MED31: variants seen among roughly 807,000 people sequenced by gnomAD.
The protein encoded by MED31 is mediator complex subunit 31, also known as mediator of RNA polymerase II transcription subunit 31.
A neutral mutation model predicts 22.0 loss-of-function variants in MED31; 11 were observed. The observed-to-expected ratio is 0.50, with a 90% CI of 0.31 to 0.83. The LOEUF (loss-of-function observed/expected upper bound fraction) is 0.83, where lower values mean the gene tolerates loss of function less well. MED31 is among the 40% of genes least tolerant of loss of function. MED31 has a pLI of 0.04. For missense variants in MED31, 122 were observed against 155.3 expected, an observed-to-expected ratio of 0.79 and a Z score of 1.14; for synonymous variants, 60 against 55.1, an observed-to-expected ratio of 1.09 and a Z score of -0.40.
intron 2 of MED31, 117 bp downstream of exon 2, chr17:6,650,239 A>AT: frequency 3.2e-6 from 4 of 1,259,516 alleles, no homozygotes; most frequent in Non-Finnish European, 2.3e-6. Flanking sequence ...ATATACCAGC[A>AT]TAAGTGTAAT....
At position 6,647,247 on chromosome 17, in the gene MED31, G is replaced by A. The variant is rs538463919; in HGVS notation, c.204-2588C>T. 1.9e-4 allele frequency among the ~76,000 whole-genome samples: 29 copies of A among 152,270 alleles called. No homozygotes were observed. In the East Asian group the frequency reaches 5.2e-3, roughly 27 times the overall value. On this transcript the variant is annotated intron_variant, in intron 3 of 3. Transcript: ENST00000225728. ...CGGGTCCTCGCATGCTGAGTGTGCC[G>A]GTCCCCTGGGCCCACTGTTCTTTCT... is the stretch of plus-strand genomic sequence containing the variant.
intron 3 of MED31, among the ~76,000 whole-genome samples, chr17:6,645,916 G>A (rs1417403163): frequency 6.6e-6 from 1 of 152,092 alleles, no homozygotes; most frequent in East Asian, 1.9e-4. Context: ...AAATACACAA[G>A]GAAAAATAGC....
rs766158520 is a variant in MED31, at chr17:6,651,536, G to A, written c.-8C>T. 1.9e-5 allele frequency: 31 copies of A among 1,613,898 alleles called. No individual in the cohort carries two copies. The Admixed American group carries it at 4.3e-4, about 23-fold the overall frequency. Reference sequence around the variant, plus strand: ...AGCGACAGCAGCGGCCATAACAAACGAAGACACCAAAACGCCACCAGCCTG... The same window carrying A: ...AGCGACAGCAGCGGCCATAACAAACAAAGACACCAAAACGCCACCAGCCTG... On this transcript the variant is annotated 5_prime_UTR_variant, in exon 1 of 4. Coordinates refer to ENST00000225728, the MANE Select transcript of MED31 (RefSeq NM_016060.3).
intron 3 of MED31, among the ~76,000 whole-genome samples, chr17:6,645,594 C>T: frequency 6.6e-6 from 1 of 152,108 alleles, no homozygotes; most frequent in Admixed American, 6.5e-5. Flanking sequence ...ACTTGAAGGG[C>T]CTCCCAATGG....
chr17:6,651,597 G>T lies in MED31; in HGVS notation c.-69C>A. 1.2e-6 allele frequency: 2 copies of T among 1,606,648 alleles called. No homozygotes were observed. Among genetic ancestry groups the T allele is most frequent in the East Asian group, 2.2e-5 (1 of 44,756 alleles). ...AGCCCAGAGACGCGGGCGAAGTTCCGGAAACCACGGCTCCCTCTTCCGGTC... is the reference window on the plus strand; with the variant it reads ...AGCCCAGAGACGCGGGCGAAGTTCCTGAAACCACGGCTCCCTCTTCCGGTC... On this transcript the variant is annotated 5_prime_UTR_variant, in exon 1 of 4. Transcript: ENST00000225728.
At chr17:6,649,206 G>T (rs1189428722) in intron 3 of MED31, among the ~76,000 whole-genome samples, 7 of 16,254 alleles carry the variant, frequency 4.3e-4, no homozygotes, top group African/African-American at 2.8e-3. Context: ...AGGTGGGTTG[G>T]TTTTTTTTGT....
At chr17:6,646,308 T>G in intron 3 of MED31, among the ~76,000 whole-genome samples, 1 of 152,326 alleles carries the variant, frequency 6.6e-6, no homozygotes, top group Non-Finnish European at 1.5e-5. Flanking sequence ...TCCAGCTATT[T>G]TGTAAGTGAA....
chr17:6,644,274 G>T lies in MED31; in HGVS notation c.*193C>A. On this transcript the variant is annotated 3_prime_UTR_variant, in exon 4 of 4. Transcript: ENST00000225728. The stretch of plus-strand genomic sequence containing the variant: ...GAAAAACACCTTACAAATCCACAGG[G>T]AAATCAAAGAACAATTCAGGTTTAA... The T allele has an allele frequency of 1.7e-6, 1 of 592,642 alleles. No individual in the cohort carries two copies. The highest frequency in any genetic ancestry group is 1.9e-5 in the African/African-American group (1 of 52,324). 36.7% of individuals were successfully genotyped at this position (592,642 alleles called of 1,614,324 possible). A position where few individuals can be genotyped will look rare whatever the true frequency, so the allele number is the denominator to read the frequency against.
chr17:6,648,369 T>C (rs1047544655), intron 3 of MED31, among the ~76,000 whole-genome samples: 6 of 152,234 alleles, frequency 3.9e-5, no homozygotes, highest in Non-Finnish European at 5.9e-5. Flanking sequence ...AGAGATGTTA[T>C]AGTGGCACCT....
At chr17:6,647,153 C>T (rs1278539794) in intron 3 of MED31, among the ~76,000 whole-genome samples, 1 of 152,212 alleles carries the variant, frequency 6.6e-6, no homozygotes, top group Admixed American at 6.5e-5. Context: ...CCCTGCTACA[C>T]TCGCCTCGCC....
chr17:6,649,565 G>A (rs1972805918), intron 3 of MED31, among the ~76,000 whole-genome samples: 1 of 152,224 alleles, frequency 6.6e-6, no homozygotes. Context: ...GAGATGGGAA[G>A]GGTGGTAAAA....
At chr17:6,650,208 T>A in intron 2 of MED31, 130 bp from the exon 3 acceptor site, 1 of 1,226,756 alleles carries the variant, frequency 8.2e-7, no homozygotes, top group Non-Finnish European at 1.2e-6. Flanking sequence ...AAAACACAAG[T>A]CCCAGTACGC....
chr17:6,647,536 C>T (rs1263985356), intron 3 of MED31, among the ~76,000 whole-genome samples: 1 of 152,222 alleles, frequency 6.6e-6, no homozygotes, highest in Non-Finnish European at 1.5e-5. Context: ...TTCTAAAAAG[C>T]TCCCAAATGA....
intron 1 of MED31, among the ~76,000 whole-genome samples, chr17:6,650,943 C>T (rs377378929): frequency 2.6e-4 from 40 of 151,722 alleles, no homozygotes; most frequent in Middle Eastern, 6.8e-3. Context: ...CACAGTGAAA[C>T]CCCGTCTCTA....
intron 1 of MED31, 26 bp downstream of exon 1, chr17:6,651,475 G>A (rs756592314): frequency 1.9e-6 from 3 of 1,614,080 alleles, no homozygotes; most frequent in South Asian, 2.2e-5. Context: ...CATCTGCGAA[G>A]ACTCCAAGAT....
rs1450381135 is a variant in MED31 at position 6,644,306 on chromosome 17, T to C, written c.*161A>G. 1.5e-5 allele frequency: 11 copies of C among 722,660 alleles called. No individual in the cohort carries two copies. Among genetic ancestry groups the C allele is most frequent in the Non-Finnish European group, 2.2e-5 (11 of 490,492 alleles). 44.8% of individuals were successfully genotyped at this position (722,660 alleles called of 1,614,324 possible). A position where few individuals can be genotyped will look rare whatever the true frequency, so the allele number is the denominator to read the frequency against. On this transcript the variant is annotated 3_prime_UTR_variant, in exon 4 of 4. Transcript: ENST00000225728. Reference sequence around the variant, plus strand: ...AAGAACAATTCAGGTTTAACAGAAATAGTCTATTAACAATAAAAAGTTGGA... The same window carrying C: ...AAGAACAATTCAGGTTTAACAGAAACAGTCTATTAACAATAAAAAGTTGGA...
chr17:6,644,338 A>G lies in MED31; in HGVS notation c.*129T>C. On this transcript the variant is annotated 3_prime_UTR_variant, in exon 4 of 4. Transcript: ENST00000225728. ...TTAACAATAAAAAGTTGGATGAAAA[A>G]GCACACTAAAGGTTCTAGGGGCTAC... 1 of 1,055,598 alleles carries G rather than the reference A, an allele frequency of 9.5e-7. No individual in the cohort carries two copies. Among genetic ancestry groups the G allele is most frequent in the Non-Finnish European group, 1.3e-6 (1 of 784,902 alleles). The allele number at this position is 1,055,598 out of a possible 1,614,324, so 65.4% of individuals were successfully genotyped here. A position where few individuals can be genotyped will look rare whatever the true frequency, so the allele number is the denominator to read the frequency against.
At chr17:6,649,862 A>T in intron 3 of MED31, 120 bp downstream of exon 3, 3 of 1,011,316 alleles carry the variant, frequency 3.0e-6, no homozygotes, top group Non-Finnish European at 4.1e-6. Context: ...GTCTTGTATT[A>T]AGACGGTGAT....
chr17:6,645,770 C>G (rs1972759452), intron 3 of MED31, among the ~76,000 whole-genome samples: 1 of 151,962 alleles, frequency 6.6e-6, no homozygotes, highest in African/African-American at 2.4e-5. Flanking sequence ...CTAATAAATG[C>G]AGAATGATAG....
Sources: gnomAD v4.1 joint callset for allele counts (sites outside exome capture counted in the v4.1 genomes callset) on GRCh38, gnomAD v4.1.1 for gene constraint, MANE v1.5 for transcripts, NCBI Gene and HGNC (gene_info 2026-07-23, HGNC 2026-07-21) for gene names.